The following CEP95 variants were observed in gnomAD, a reference collection of about 807,000 sequenced individuals.
CEP95 encodes centrosomal protein of 95 kDa.
CEP95 carries 98 observed loss-of-function variants against 111.2 expected under a neutral mutation model. The observed-to-expected ratio is 0.88, with a 90% CI of 0.75 to 1.04. The LOEUF is 1.04. Ranked by LOEUF, CEP95 falls within the 50% of genes least tolerant of loss-of-function variation. The pLI is 0.00. For missense variants in CEP95, 1,027 were observed against 977.2 expected (o/e 1.05, Z -0.68); for synonymous variants, 323 against 327.1 (o/e 0.99, Z 0.14).
intron 6 of CEP95, 138 bp from the exon 7 acceptor site, chr17:64,521,264 G>T: frequency 1.6e-6 from 1 of 620,244 alleles, no homozygotes; most frequent in Non-Finnish European, 2.8e-6. Flanking sequence ...TTGGTATTTT[G>T]AGCAGTTGGA....
Position 64,537,846 on chromosome 17 carries a change from C to T in CEP95, c.*67C>T. On this transcript the variant is annotated 3_prime_UTR_variant, in exon 20 of 20. Transcript: ENST00000556440. The stretch of plus-strand genomic sequence containing the variant: ...TACCAGGACAGAGCTAGAATCGAGC[C>T]AGTAAACAGTCTAAGCCAGAAAAAT... The T allele has an allele frequency of 6.5e-6, 6 of 924,198 alleles. No homozygotes were observed. Among genetic ancestry groups the T allele is most frequent in the Non-Finnish European group, 9.1e-6 (6 of 658,166 alleles). The allele number at this position is 924,198 out of a possible 1,614,324, so 57.2% of individuals were successfully genotyped here. A position where few individuals can be genotyped will look rare whatever the true frequency, so the allele number is the denominator to read the frequency against.
At chr17:64,524,375 C>G (rs1245674003) in intron 8 of CEP95, among the ~76,000 whole-genome samples, 1 of 152,066 alleles carries the variant, frequency 6.6e-6, no homozygotes, top group Non-Finnish European at 1.5e-5. Context: ...GTGGTGCAGT[C>G]TGCACCCACT....
rs151055163 is a variant in CEP95, at chr17:64,523,503, A to G, written c.909+608A>G. Among the ~76,000 whole-genome samples, 112 of 152,220 alleles carry G rather than the reference A, an allele frequency of 7.4e-4. No individual in the cohort carries two copies. In the East Asian group the frequency reaches 0.019, roughly 26 times the overall value. On this transcript the variant is annotated intron_variant, in intron 8 of 19. Transcript: ENST00000556440. ...TTAACATATTGATCTATTTGGTTCAATTGCAGTGAGCCAAGATCACGCCAC... is the reference window on the plus strand; with the variant it reads ...TTAACATATTGATCTATTTGGTTCAGTTGCAGTGAGCCAAGATCACGCCAC...
chr17:64,521,217 CAA>C (rs150457469), intron 6 of CEP95, among the ~76,000 whole-genome samples, 183 bp from the exon 7 acceptor site: 5,756 of 152,146 alleles, frequency 0.038, 358 homozygotes, highest in African/African-American at 0.13. Context: ...AGCCTGGCGA[CAA>C]GAGGGAAATG....
At chr17:64,526,299 G>A (rs1967813309) in intron 10 of CEP95, 99 bp downstream of exon 10, 1 of 1,197,956 alleles carries the variant, frequency 8.3e-7, no homozygotes, top group African/African-American at 1.5e-5. Flanking sequence ...AATTAGTTGT[G>A]TCTTATTAAT....
chr17:64,509,671 C>T (rs117898134), intron 2 of CEP95, among the ~76,000 whole-genome samples: 463 of 152,050 alleles, frequency 3.0e-3, no homozygotes, highest in Non-Finnish European at 5.5e-3. Context: ...GGCGATAGAG[C>T]GAGACCCTGT....
At chr17:64,507,591 C>G in intron 1 of CEP95, 2 of 1,012,564 alleles carry the variant, frequency 2.0e-6, no homozygotes, top group Non-Finnish European at 2.4e-6. Context: ...TCAGTGCCCT[C>G]TAGAGTCATG....
chr17:64,526,722 A>G (rs1280924991), intron 10 of CEP95, among the ~76,000 whole-genome samples: 2 of 152,180 alleles, frequency 1.3e-5, no homozygotes, highest in African/African-American at 4.8e-5. Flanking sequence ...ACACTTTGAG[A>G]GGCTGAGGCA....
At chr17:64,529,854 T>C (rs1968137451) in intron 12 of CEP95, among the ~76,000 whole-genome samples, 1 of 152,186 alleles carries the variant, frequency 6.6e-6, no homozygotes, top group Non-Finnish European at 1.5e-5. Flanking sequence ...AGGAAGACTT[T>C]CCACTGTGGA....
rs145199956 is a variant in CEP95 at position 64,514,665 on chromosome 17, A to G, written c.367+307A>G. ...ATTGCATAAAATTTCTTTCTCCAAA[A>G]TTTCGTGTGTCAGAACTGCTATTTA... On this transcript the variant is annotated intron_variant, in intron 4 of 19. Transcript: ENST00000556440. The G allele has an allele frequency of 7.6e-4, 294 of 385,010 alleles. 1 individual carries two copies. The Middle Eastern group carries it at 8.1e-3, about 11-fold the overall frequency. 23.8% of individuals were successfully genotyped at this position (385,010 alleles called of 1,614,324 possible).
At chr17:64,536,971 C>T in intron 18 of CEP95, 70 bp from the exon 19 acceptor site, 3 of 1,428,318 alleles carry the variant, frequency 2.1e-6, no homozygotes, top group Non-Finnish European at 2.9e-6. Context: ...AGCCTGTGAA[C>T]ATTAAGAAAT....
Position 64,526,080 on chromosome 17 carries a change from C to G in CEP95, c.1032C>G (p.Asn344Lys), listed in dbSNP as rs1481344357. The change falls in exon 10 of 20, where the codon AAC becomes AAG. Residue 344 changes from asparagine (N) to lysine (K), a missense_variant. Asn to Lys is a moderately conservative substitution (Grantham distance 94). Transcript: ENST00000556440. ...GTCACTTTTATTACAGAAATGAAAA[C>G]AGAGCTACAGCCTCATCCTGCAATT... Reference protein sequence around the residue: ...RKPPKGKRNENRATASSCNSP... With the variant: ...RKPPKGKRNEKRATASSCNSP... The G allele has an allele frequency of 9.3e-6, 15 of 1,611,732 alleles. No homozygotes were observed. Among genetic ancestry groups the G allele is most frequent in the Non-Finnish European group, 1.2e-5 (14 of 1,179,280 alleles).
At chr17:64,522,581 T>C in intron 7 of CEP95, 121 bp from the exon 8 acceptor site, 4 of 627,834 alleles carry the variant, frequency 6.4e-6, no homozygotes, top group Non-Finnish European at 1.1e-5. Flanking sequence ...GTGCTTTGTC[T>C]TAAGTTTAAA....
intron 15 of CEP95, 36 bp downstream of exon 15, chr17:64,533,044 A>G: frequency 6.2e-7 from 1 of 1,605,630 alleles, no homozygotes. Flanking sequence ...AGGAATTTAA[A>G]TGAGAAGAGC....
intron 14 of CEP95, 192 bp downstream of exon 14, chr17:64,532,214 G>A: frequency 7.9e-7 from 1 of 1,271,922 alleles, no homozygotes; most frequent in South Asian, 2.9e-5. Flanking sequence ...GTACTTCAGG[G>A]AGGCCTATAT....
At chr17:64,525,432 A>G (rs1967734039) in intron 8 of CEP95, among the ~76,000 whole-genome samples, 1 of 152,238 alleles carries the variant, frequency 6.6e-6, no homozygotes, top group Non-Finnish European at 1.5e-5. Context: ...ACATTGATAC[A>G]AAAGATAGCC....
chr17:64,515,275 G>A (rs1241274619), intron 4 of CEP95, among the ~76,000 whole-genome samples: 1 of 152,122 alleles, frequency 6.6e-6, no homozygotes, highest in Non-Finnish European at 1.5e-5. Context: ...TACAATAAAA[G>A]CATAAAGGGG....
chr17:64,512,268 A>G (rs561735202), intron 3 of CEP95, among the ~76,000 whole-genome samples: 8 of 152,344 alleles, frequency 5.3e-5, no homozygotes, highest in Non-Finnish European at 7.3e-5. Context: ...AGCATATACA[A>G]GAAACTCGTA....
chr17:64,507,761 C>T (rs782644510), intron 1 of CEP95: 318 of 985,608 alleles, frequency 3.2e-4, no homozygotes, highest in Non-Finnish European at 3.7e-4. Context: ...AATACACTCT[C>T]ATTCGTTTCC....
Sources: gnomAD v4.1 joint callset for allele counts (sites outside exome capture counted in the v4.1 genomes callset) on GRCh38, gnomAD v4.1.1 for gene constraint, MANE v1.5 for transcripts, NCBI Gene and HGNC (gene_info 2026-07-23, HGNC 2026-07-21) for gene names.